The following TUSC3 variants were observed in gnomAD, a reference collection of about 807,000 sequenced individuals.
The protein encoded by TUSC3 is tumor suppressor candidate 3.
In TUSC3, 45 loss-of-function variants were observed where a neutral mutation model predicts 44.8. The ratio of observed to expected loss-of-function variants is 1.00; its 90% confidence interval spans 0.79 to 1.29. The LOEUF (loss-of-function observed/expected upper bound fraction) is 1.29. Among genes scored for constraint, TUSC3 ranks in the 50% most tolerant of loss-of-function variants. The pLI, the probability that TUSC3 is intolerant of heterozygous loss-of-function variation, is 0.00. For synonymous variants in TUSC3, 212 were observed against 152.9 expected, an observed-to-expected ratio of 1.39 and a Z score of -2.85; for missense variants, 519 against 437.9, an observed-to-expected ratio of 1.19 and a Z score of -1.65.
At chr8:15,807,310 A>G in the TUSC3 span, 1 of 475,168 alleles carries the variant, frequency 2.1e-6, no homozygotes, top group Non-Finnish European at 3.8e-6. Context: ...GGTCTCTATT[A>G]AAAGTCAAAA....
Position 15,526,544 on chromosome 8 carries a change from A to G in TUSC3, n.189+43061A>G, listed in dbSNP as rs539829791. Among the ~76,000 whole-genome samples the G allele has an allele frequency of 2.7e-4, 41 of 152,148 alleles. 2 individuals are homozygous for G. The South Asian group carries it at 8.1e-3, about 30-fold the overall frequency. On this transcript the variant is annotated intron_variant and non_coding_transcript_variant, in intron 2 of 5. Coordinates refer to the TUSC3 transcript ENST00000503191. ...CCCCATACTGTTCTCCTGGTGGTGA[A>G]TAAGTCTCAGGAGATCTTATCGTTT...
chr8:15,645,336 T>G (rs1025942598), intron 2 of TUSC3, among the ~76,000 whole-genome samples: 1 of 152,172 alleles, frequency 6.6e-6, no homozygotes, highest in Non-Finnish European at 1.5e-5. Context: ...GGGTAGTCTT[T>G]GTTTATACTG....
intron 2 of TUSC3, among the ~76,000 whole-genome samples, chr8:15,518,426 T>C (rs1801250846): frequency 6.6e-6 from 1 of 152,160 alleles, no homozygotes; most frequent in African/African-American, 2.4e-5. Flanking sequence ...GAAAATGTTA[T>C]CAAGGCCTTC....
intron 1 of TUSC3, among the ~76,000 whole-genome samples, chr8:15,437,213 A>G (rs1006709052): frequency 6.6e-6 from 1 of 152,218 alleles, no homozygotes; most frequent in Admixed American, 6.5e-5. Context: ...AACAAAGAAT[A>G]GGAGATAATT....
At chr8:15,546,133 A>C (rs1801856577) in intron 1 of TUSC3, among the ~76,000 whole-genome samples, 1 of 151,818 alleles carries the variant, frequency 6.6e-6, no homozygotes, top group South Asian at 2.1e-4. Context: ...TATGTGTGTA[A>C]CAAATGGATA....
the TUSC3 span, among the ~76,000 whole-genome samples, chr8:15,795,061 A>C: frequency 6.6e-6 from 1 of 152,084 alleles, no homozygotes; most frequent in Non-Finnish European, 1.5e-5. Flanking sequence ...GTTGGAACAC[A>C]TTCTTTCAAT....
the TUSC3 span, among the ~76,000 whole-genome samples, chr8:15,785,237 T>G: frequency 6.6e-6 from 1 of 152,048 alleles, no homozygotes; most frequent in Non-Finnish European, 1.5e-5. Flanking sequence ...AAAAAGAAGA[T>G]CTGTTACCTA....
intron 1 of TUSC3, among the ~76,000 whole-genome samples, chr8:15,558,656 A>T (rs1802349308): frequency 8.6e-6 from 1 of 116,824 alleles, no homozygotes; most frequent in African/African-American, 3.0e-5. Context: ...TTGGTTGGTA[A>T]GCTATTGATT....
At chr8:15,782,053 T>G in the TUSC3 span, among the ~76,000 whole-genome samples, 2 of 152,208 alleles carry the variant, frequency 1.3e-5, no homozygotes, top group African/African-American at 4.8e-5. Flanking sequence ...GATAATCGCT[T>G]GAACTCAGGA....
At chr8:15,547,471 A>G (rs1801908940) in intron 1 of TUSC3, among the ~76,000 whole-genome samples, 1 of 151,682 alleles carries the variant, frequency 6.6e-6, no homozygotes, top group African/African-American at 2.4e-5. Context: ...ATACCTTAGT[A>G]TAACTTACTG....
intron 1 of TUSC3, among the ~76,000 whole-genome samples, chr8:15,553,133 G>C (rs1585094328): frequency 6.6e-6 from 1 of 151,844 alleles, no homozygotes; most frequent in South Asian, 2.1e-4. Flanking sequence ...GTTTGAGAAT[G>C]TATGAGATGC....
the TUSC3 span, among the ~76,000 whole-genome samples, chr8:15,851,927 C>T: frequency 3.9e-5 from 6 of 152,124 alleles, no homozygotes; most frequent in Admixed American, 3.9e-4. Context: ...GGTAAGTCTC[C>T]TGAGACCTGA....
At chr8:15,625,143 CATTG>C (rs1170614492) in intron 2 of TUSC3, among the ~76,000 whole-genome samples, 4 of 152,040 alleles carry the variant, frequency 2.6e-5, no homozygotes, top group Admixed American at 6.6e-5. Context: ...TAATCAGTTA[CATTG>C]ATTGATTTTC....
chr8:15,502,828 C>T (rs1800985873), intron 2 of TUSC3, among the ~76,000 whole-genome samples: 1 of 152,154 alleles, frequency 6.6e-6, no homozygotes, highest in Non-Finnish European at 1.5e-5. Context: ...TTTCTTTATC[C>T]TACATTTTGC....
intron 1 of TUSC3, among the ~76,000 whole-genome samples, chr8:15,545,470 G>A (rs1309812189): frequency 6.6e-6 from 1 of 151,594 alleles, no homozygotes; most frequent in African/African-American, 2.4e-5. Flanking sequence ...TTTTTCTGGA[G>A]GGGGACTCTG....
At chr8:15,480,611 A>G (rs763652969) in intron 1 of TUSC3, among the ~76,000 whole-genome samples, 4 of 152,168 alleles carry the variant, frequency 2.6e-5, no homozygotes, top group African/African-American at 4.8e-5. Context: ...CATGTGAAAT[A>G]AAATTTCTAC....
In TUSC3 at chr8:15,484,265, C is replaced by T. The variant is rs6995093; in HGVS notation, n.189+782C>T. Among the ~76,000 whole-genome samples the T allele has an allele frequency of 6.5e-3, 995 of 152,282 alleles. 9 individuals are homozygous for T. The highest frequency in any genetic ancestry group is 0.023 in the African/African-American group (937 of 41,552). The stretch of plus-strand genomic sequence containing the variant: ...CCTTCTCATGATTCATCTCTTAACT[C>T]AAATGTCCACTCTGCTCTAGCACAA... On this transcript the variant is annotated intron_variant and non_coding_transcript_variant, in intron 2 of 5. Coordinates refer to the TUSC3 transcript ENST00000503191.
chr8:15,513,342 G>A (rs1801169381), intron 2 of TUSC3, among the ~76,000 whole-genome samples: 2 of 152,248 alleles, frequency 1.3e-5, no homozygotes, highest in South Asian at 2.1e-4. Context: ...GACCATTAAT[G>A]AGGAGATGGA....
chr8:15,754,652 G>T lies in TUSC3; in HGVS notation c.1029-3139G>T, dbSNP rs573240237. Among the ~76,000 whole-genome samples, 24 of 152,142 alleles carry T rather than the reference G, an allele frequency of 1.6e-4. 1 individual carries two copies. In the South Asian group the frequency reaches 4.8e-3, roughly 30 times the overall value. On this transcript the variant is annotated intron_variant, in intron 9 of 10. Coordinates refer to ENST00000503731, the MANE Select transcript of TUSC3 (RefSeq NM_006765.4). Reference sequence around the variant, plus strand: ...CTCCAATGCCAAAGTACTTGCTTGGGTGTTATGCCTCCGCCTTTTAGCCCT... The same window carrying T: ...CTCCAATGCCAAAGTACTTGCTTGGTTGTTATGCCTCCGCCTTTTAGCCCT...
Sources: allele counts gnomAD v4.1 joint callset (sites outside exome capture counted in the v4.1 genomes callset), GRCh38; gene constraint gnomAD v4.1.1; transcripts MANE v1.5; gene names NCBI Gene and HGNC (gene_info 2026-07-23, HGNC 2026-07-21).